Variants in SETD1A observed in about 807,000 individuals in gnomAD.
The protein encoded by SETD1A is SET domain containing 1A, histone lysine methyltransferase, also known as histone-lysine N-methyltransferase SETD1A.
In SETD1A, 29 loss-of-function variants were observed where a neutral mutation model predicts 149.9. The observed-to-expected ratio is 0.19, with a 90% CI of 0.14 to 0.26. SETD1A has a LOEUF of 0.26. SETD1A is among the 10% of genes least tolerant of loss of function. The pLI is 1.00. For missense variants in SETD1A, 2,109 were observed against 2,353.1 expected (o/e 0.90, Z 2.15); for synonymous variants, 1,141 against 968.5 (o/e 1.18, Z -3.31).
Position 30,961,567 on chromosome 16 carries a change from T to G in SETD1A, c.517+30T>G. ...GGACTCCTCTGCCTGCCACTCAGGC[T>G]TGGCCTCCAGCGGAGGTTGTACATG... is the stretch of plus-strand genomic sequence containing the variant. On this transcript the variant is annotated intron_variant, in intron 4 of 18. Transcript: ENST00000262519. This position sits in a 1 kb window ranked among gnomAD's most constrained non-coding sequence, Gnocchi z 4.0. 2 of 1,608,006 alleles carry G rather than the reference T, an allele frequency of 1.2e-6. No individual in the cohort carries two copies. The highest frequency in any genetic ancestry group is 1.7e-6 in the Non-Finnish European group (2 of 1,177,628).
At chr16:30,981,482 C>T (rs556480744) in intron 17 of SETD1A, among the ~76,000 whole-genome samples, 1 of 152,340 alleles carries the variant, frequency 6.6e-6, no homozygotes, top group East Asian at 1.9e-4. Flanking sequence ...TCAAGCGATT[C>T]TCCTGCCTCA....
At chr16:30,978,559 C>T (rs990177750) in intron 13 of SETD1A, among the ~76,000 whole-genome samples, 2 of 152,212 alleles carry the variant, frequency 1.3e-5, no homozygotes, top group African/African-American at 4.8e-5. Context: ...AGCGCTGTCT[C>T]CTGCCCCTCC....
intron 8 of SETD1A, 115 bp from the exon 9 acceptor site, chr16:30,966,769 G>C (rs2056153117): frequency 8.2e-7 from 1 of 1,223,604 alleles, no homozygotes; most frequent in African/African-American, 1.5e-5. Flanking sequence ...GTGTGACCAA[G>C]ATATGGAGCA....
Position 30,961,206 on chromosome 16 carries a change from G to A in SETD1A, c.247-61G>A, listed in dbSNP as rs952094489. 1.7e-5 allele frequency: 26 copies of A among 1,556,056 alleles called. No homozygotes were observed. Among genetic ancestry groups the A allele is most frequent in the South Asian group, 2.3e-5 (2 of 85,526 alleles). ...TTCATGGAGCTTGCTAAAGTTTCCC[G>A]AAGGACAAAGGAACAGTGGTCAGTG... On this transcript the variant is annotated intron_variant, in intron 3 of 18. Coordinates refer to ENST00000262519, the MANE Select transcript of SETD1A (RefSeq NM_014712.3). This position sits in a 1 kb window ranked among gnomAD's most constrained non-coding sequence, Gnocchi z 4.0.
chr16:30,977,019 C>CTTACTGCATCCTCAGCCTCCCAGGTTCAA (rs1246678239), intron 13 of SETD1A, among the ~76,000 whole-genome samples: 5 of 152,080 alleles, frequency 3.3e-5, no homozygotes, highest in African/African-American at 1.2e-4. Flanking sequence ...GCCATCTCGA[C>CTTACTGCATCCTCAGCCTCCCAGGTTCAA]TTACTGCATC....
At chr16:30,978,997 T>C (rs2056321355) in intron 13 of SETD1A, 148 bp from the exon 14 acceptor site, 1 of 738,192 alleles carries the variant, frequency 1.4e-6, no homozygotes, top group Non-Finnish European at 2.2e-6. Context: ...CTTGCTGGGA[T>C]GTGGGGCTGA....
chr16:30,978,210 G>T (rs1034707513), intron 13 of SETD1A, among the ~76,000 whole-genome samples: 1 of 148,256 alleles, frequency 6.7e-6, no homozygotes, highest in Non-Finnish European at 1.5e-5. Context: ...GGAGGCGGAG[G>T]TTGCAGTAAG....
At chr16:30,958,670 A>T in intron 1 of SETD1A, 47 bp from the exon 2 acceptor site, 1 of 1,536,772 alleles carries the variant, frequency 6.5e-7, no homozygotes, top group Non-Finnish European at 9.0e-7. Flanking sequence ...CAGGGGAGTC[A>T]GGCCCCAAGT....
Position 30,980,128 on chromosome 16 carries a change from G to A in SETD1A, c.4342G>A (p.Glu1448Lys), listed in dbSNP as rs1482559628. 6.8e-6 allele frequency: 11 copies of A among 1,612,176 alleles called. 1 individual carries two copies. The highest frequency in any genetic ancestry group is 4.4e-5 in the South Asian group (4 of 90,920). ...EDMSYLRLTY[E>K]RLLQQTSGAD... ...CATGAGTTACCTGCGGCTTACGTAC[G>A]AGCGGCTGCTGCAGCAGACAAGCGG... Residue 1448 changes from glutamate to lysine, a missense_variant, in exon 14 of 19, where the codon GAG becomes AAG. Glu to Lys is a moderately conservative substitution (Grantham distance 56). Transcript: ENST00000262519. The surrounding 1 kb of genome is among the most constrained non-coding windows in gnomAD (Gnocchi z 7.7).
chr16:30,979,616 C>T lies in SETD1A; in HGVS notation c.3830C>T (p.Ser1277Leu). Reference protein sequence around the residue: ...GLPALPAVEDSEATETSDEAE... With the variant: ...GLPALPAVEDLEATETSDEAE... ...CCTGCCCTGCCTGCTGTTGAAGACTCAGAGGCCACAGAGACATCGGACGAG... is the reference window on the plus strand; with the variant it reads ...CCTGCCCTGCCTGCTGTTGAAGACTTAGAGGCCACAGAGACATCGGACGAG... Residue 1277 changes from serine (S) to leucine (L), a missense_variant, in exon 14 of 19, where the codon TCA becomes TTA. Ser to Leu is a moderately radical substitution (Grantham distance 145). Around this residue, in one of 8 missense-constraint regions of SETD1A, gnomAD observed 832 missense variants for 815.6 expected, o/e 1.02. Transcript: ENST00000262519. 1.9e-6 allele frequency: 3 copies of T among 1,611,220 alleles called. No individual in the cohort carries two copies. The highest frequency in any genetic ancestry group is 2.5e-6 in the Non-Finnish European group (3 of 1,179,750).
chr16:30,980,374 T>A lies in SETD1A; in HGVS notation c.4409-111T>A, dbSNP rs1332537357. On this transcript the variant is annotated intron_variant, in intron 14 of 18. Coordinates refer to ENST00000262519, the MANE Select transcript of SETD1A (RefSeq NM_014712.3). This position sits in a 1 kb window ranked among gnomAD's most constrained non-coding sequence, Gnocchi z 7.7. ...TGGCAGGAACGATGGGGCTGGGGCT[T>A]CCTCCCCTGTCCCTCACCTGGGTAT... The A allele has an allele frequency of 2.1e-6, 3 of 1,455,552 alleles. No homozygotes were observed. The highest frequency in any genetic ancestry group is 2.8e-6 in the Non-Finnish European group (3 of 1,077,096). 90.2% of individuals were successfully genotyped at this position (1,455,552 alleles called of 1,614,324 possible). A position where few individuals can be genotyped will look rare whatever the true frequency, so the allele number is the denominator to read the frequency against.
intron 1 of SETD1A, chr16:30,958,262 G>GCTCGGT (rs2055992860): frequency 6.6e-6 from 1 of 152,534 alleles, no homozygotes; most frequent in Non-Finnish European, 1.5e-5. Flanking sequence ...CGGGTCTCGG[G>GCTCGGT]CTCGGTCTCG....
At chr16:30,969,758 C>T in intron 12 of SETD1A, 69 bp downstream of exon 12, 1 of 1,260,304 alleles carries the variant, frequency 7.9e-7, no homozygotes, top group Non-Finnish European at 1.2e-6. Flanking sequence ...TAGCCCTTTT[C>T]TGAGCCCACA....
At chr16:30,965,573 C>T (rs2056128932) in intron 7 of SETD1A, 28 bp from the exon 8 acceptor site, 2 of 1,606,744 alleles carry the variant, frequency 1.2e-6, no homozygotes, top group Non-Finnish European at 8.5e-7. Flanking sequence ...AGGCAGAAGC[C>T]TTCTGTGACC....
In SETD1A at chr16:30,967,013, G is replaced by A. The variant is rs145597825; in HGVS notation, c.2635G>A (p.Ala879Thr). 194 of 1,600,200 alleles carry A rather than the reference G, an allele frequency of 1.2e-4. No homozygotes were observed. In the East Asian group the frequency reaches 1.4e-3, roughly 12 times the overall value. The change falls in exon 9 of 19, where the codon GCC (alanine) becomes ACC (threonine). Residue 879 changes from alanine (A) to threonine (T), a missense_variant. Transcript: ENST00000262519. ...SGGTTGIEAF[A>T]FGSGLRGALR... ...GGGCACTACGGGCATCGAGGCTTTCGCCTTTGGGTCAGGGCTGAGAGGGGC... is the reference window on the plus strand; with the variant it reads ...GGGCACTACGGGCATCGAGGCTTTCACCTTTGGGTCAGGGCTGAGAGGGGC...
chr16:30,966,489 C>G, intron 8 of SETD1A, 103 bp downstream of exon 8: 1 of 1,454,302 alleles, frequency 6.9e-7, no homozygotes, highest in Non-Finnish European at 9.1e-7. Context: ...GTGATGGAGG[C>G]GAGTGGAGAG....
Position 30,980,688 on chromosome 16 carries a change from G to A in SETD1A, c.4581+31G>A, listed in dbSNP as rs1252705074. The A allele has an allele frequency of 1.9e-6, 3 of 1,610,730 alleles. No homozygotes were observed. In the African/African-American group the frequency reaches 4.0e-5, roughly 21 times the overall value. On this transcript the variant is annotated intron_variant, in intron 15 of 18. Coordinates refer to ENST00000262519, the MANE Select transcript of SETD1A (RefSeq NM_014712.3). The surrounding 1 kb of genome is among the most constrained non-coding windows in gnomAD (Gnocchi z 7.7). Reference sequence around the variant, plus strand: ...CCTAACCCCGCCGCCGCGTCCTCCTGCCACTCACTTCCCTGCCCTGCTCAC... The same window carrying A: ...CCTAACCCCGCCGCCGCGTCCTCCTACCACTCACTTCCCTGCCCTGCTCAC...
At chr16:30,971,939 A>C (rs28360557) in intron 13 of SETD1A, among the ~76,000 whole-genome samples, 80,555 of 152,090 alleles carry the variant, frequency 0.53, 23,602 homozygotes, top group East Asian at 0.91. Flanking sequence ...GCTAAGCTGC[A>C]TACTAAAGTA....
At chr16:30,963,010 C>T (rs1855518324) in intron 4 of SETD1A, among the ~76,000 whole-genome samples, 1 of 152,152 alleles carries the variant, frequency 6.6e-6, no homozygotes. Flanking sequence ...CTGCAGGCTC[C>T]GTTAGTCCCC....
Sources: allele counts gnomAD v4.1 joint callset (sites outside exome capture counted in the v4.1 genomes callset), GRCh38; gene constraint gnomAD v4.1.1; regional missense constraint gnomAD v4.1.1; non-coding constraint Gnocchi (gnomAD v3.1); transcripts MANE v1.5; gene names NCBI Gene and HGNC (gene_info 2026-07-23, HGNC 2026-07-21).